The following PRELID2 variants were observed in gnomAD, a reference collection of about 807,000 sequenced individuals.
The protein encoded by PRELID2 is PRELI domain containing 2.
PRELID2 carries 25 observed loss-of-function variants against 28.4 expected under a neutral mutation model. The ratio of observed to expected loss-of-function variants is 0.88; its 90% CI spans 0.64 to 1.23. The LOEUF is 1.23. PRELID2 is among the 50% of genes most tolerant of loss of function. PRELID2 has a pLI of 0.00. For missense variants in PRELID2, 201 were observed against 214.4 expected (o/e 0.94, Z 0.39); for synonymous variants, 76 against 71.6 (o/e 1.06, Z -0.31).
rs888841477 is a variant in PRELID2 at position 145,484,597 on chromosome 5, A to T, written n.71-11282T>A. ...GAAAGCATTTCATTGGCTCATTTTA[A>T]AACAGAGTATAAGATCTTAAAAGGC... On this transcript the variant is annotated intron_variant and non_coding_transcript_variant, in intron 1 of 2. Coordinates refer to the PRELID2 transcript ENST00000510259. Among the ~76,000 whole-genome samples the T allele has an allele frequency of 2.8e-4, 43 of 152,204 alleles. 1 individual carries two copies. The highest frequency in any genetic ancestry group is 9.6e-4 in the African/African-American group (40 of 41,466).
At chr5:145,414,499 C>A in the PRELID2 span, among the ~76,000 whole-genome samples, 1 of 152,210 alleles carries the variant, frequency 6.6e-6, no homozygotes, top group African/African-American at 2.4e-5. Context: ...TTATTATTCT[C>A]AGTCTGTGAA....
chr5:145,689,882 G>A (rs1042766440), intron 1 of PRELID2, among the ~76,000 whole-genome samples: 6 of 152,130 alleles, frequency 3.9e-5, no homozygotes, highest in African/African-American at 1.4e-4. Flanking sequence ...TCCCAGTGTG[G>A]GGCCCCTTAC....
chr5:145,465,068 T>C, the PRELID2 span, among the ~76,000 whole-genome samples: 1 of 152,194 alleles, frequency 6.6e-6, no homozygotes, highest in African/African-American at 2.4e-5. Context: ...TCACTGTATG[T>C]GCTTCTCAGA....
intron 1 of PRELID2, among the ~76,000 whole-genome samples, chr5:145,630,472 A>G (rs1032172656): frequency 1.3e-4 from 20 of 152,228 alleles, no homozygotes; most frequent in African/African-American, 4.1e-4. Context: ...ACTGTAAGAC[A>G]AACATTCTCC....
intron 1 of PRELID2, among the ~76,000 whole-genome samples, chr5:145,527,108 A>C (rs1752615435): frequency 6.6e-6 from 1 of 152,344 alleles, no homozygotes; most frequent in South Asian, 2.1e-4. Flanking sequence ...AATAATCTAG[A>C]TAGGTATTGG....
downstream of PRELID2, among the ~76,000 whole-genome samples, chr5:145,469,040 A>C (rs1752028505): frequency 6.6e-6 from 1 of 152,102 alleles, no homozygotes; most frequent in South Asian, 2.1e-4. Flanking sequence ...ATCTTGGGAC[A>C]GTTTTACCTA....
At chr5:145,333,700 C>T in the PRELID2 span, among the ~76,000 whole-genome samples, 1 of 151,866 alleles carries the variant, frequency 6.6e-6, no homozygotes. Context: ...TCTTAGCTTG[C>T]TGGGCTCCAT....
At chr5:145,336,491 T>C in the PRELID2 span, among the ~76,000 whole-genome samples, 3 of 151,986 alleles carry the variant, frequency 2.0e-5, no homozygotes, top group Non-Finnish European at 2.9e-5. Context: ...TTTCTACATA[T>C]GGCTAGCCAG....
intron 1 of PRELID2, among the ~76,000 whole-genome samples, chr5:145,521,721 G>T (rs1022337782): frequency 6.6e-6 from 1 of 152,152 alleles, no homozygotes; most frequent in East Asian, 1.9e-4. Context: ...CACGCACTGT[G>T]TAGGGCAGAG....
chr5:145,452,726 C>T, the PRELID2 span, among the ~76,000 whole-genome samples: 1 of 151,152 alleles, frequency 6.6e-6, no homozygotes, highest in Non-Finnish European at 1.5e-5. Flanking sequence ...ATTAGTAAGT[C>T]GTTGTGAAGG....
chr5:145,542,513 T>C (rs1184352772), intron 1 of PRELID2, among the ~76,000 whole-genome samples: 3 of 152,056 alleles, frequency 2.0e-5, no homozygotes, highest in Non-Finnish European at 2.9e-5. Flanking sequence ...ACTTCACTAT[T>C]GGGAGAAAAA....
the PRELID2 span, among the ~76,000 whole-genome samples, chr5:145,356,140 G>A: frequency 3.9e-5 from 6 of 151,988 alleles, no homozygotes; most frequent in Admixed American, 3.9e-4. Context: ...GGCCTCATTC[G>A]AACAGAAATA....
At chr5:145,347,407 G>A in the PRELID2 span, among the ~76,000 whole-genome samples, 1 of 152,258 alleles carries the variant, frequency 6.6e-6, no homozygotes, top group South Asian at 2.1e-4. Context: ...ATGTCGAGTG[G>A]AGCATTTATA....
chr5:145,624,636 A>G (rs1368710247), intron 1 of PRELID2, among the ~76,000 whole-genome samples: 1 of 152,234 alleles, frequency 6.6e-6, no homozygotes, highest in Non-Finnish European at 1.5e-5. Context: ...AAAACTGTAA[A>G]GCTTTTATAA....
intron 5 of PRELID2, among the ~76,000 whole-genome samples, chr5:145,769,091 T>C (rs2149778204): frequency 6.6e-6 from 1 of 152,268 alleles, no homozygotes; most frequent in South Asian, 2.1e-4. Context: ...AGGGGCTAAA[T>C]TTACACCACT....
At chr5:145,636,638 T>C (rs1754006681) in intron 1 of PRELID2, among the ~76,000 whole-genome samples, 1 of 152,240 alleles carries the variant, frequency 6.6e-6, no homozygotes, top group Admixed American at 6.5e-5. Context: ...CTAGGCAATG[T>C]TGCTAGGCAG....
At chr5:145,684,963 A>G (rs1323354605) in intron 1 of PRELID2, among the ~76,000 whole-genome samples, 2 of 152,194 alleles carry the variant, frequency 1.3e-5, no homozygotes, top group Non-Finnish European at 2.9e-5. Flanking sequence ...GACAGATATG[A>G]AGAAAGTTGG....
At chr5:145,761,423 A>C (rs1408627347) in intron 6 of PRELID2, among the ~76,000 whole-genome samples, 1 of 152,200 alleles carries the variant, frequency 6.6e-6, no homozygotes, top group African/African-American at 2.4e-5. Context: ...TTATGTCTTA[A>C]TATAAAATCA....
At chr5:145,358,066 G>C in the PRELID2 span, among the ~76,000 whole-genome samples, 1 of 151,996 alleles carries the variant, frequency 6.6e-6, no homozygotes, top group East Asian at 1.9e-4. Context: ...TTCTTTTGTT[G>C]GGTGTTCTGG....
Sources: allele counts gnomAD v4.1 joint callset (sites outside exome capture counted in the v4.1 genomes callset), GRCh38; gene constraint gnomAD v4.1.1; transcripts MANE v1.5; gene names NCBI Gene and HGNC (gene_info 2026-07-23, HGNC 2026-07-21).